AGBL1: variants seen among roughly 807,000 people sequenced by gnomAD.
AGBL1 encodes cytosolic carboxypeptidase 4.
In AGBL1, 130 loss-of-function variants were observed where a neutral mutation model predicts 118.9. That is an observed-to-expected ratio of 1.09 (90% CI 0.95 to 1.26). The LOEUF is 1.26. Ranked by LOEUF, AGBL1 falls within the 50% of genes most tolerant of loss-of-function variation. The pLI, the probability that AGBL1 is intolerant of heterozygous loss-of-function variation, is 0.00. For synonymous variants in AGBL1, 555 were observed against 478.9 expected (o/e 1.16, Z -2.08); for missense variants, 1,584 against 1,298.1 (o/e 1.22, Z -3.38).
At chr15:86,749,031 T>C (rs1432894236) in intron 22 of AGBL1, among the ~76,000 whole-genome samples, 1 of 152,174 alleles carries the variant, frequency 6.6e-6, no homozygotes, top group Non-Finnish European at 1.5e-5. Context: ...AAGTAGTTTT[T>C]TCCAATTCTG....
chr15:86,702,520 ACTC>A (rs1271619401), intron 22 of AGBL1, among the ~76,000 whole-genome samples: 1 of 151,652 alleles, frequency 6.6e-6, no homozygotes, highest in Non-Finnish European at 1.5e-5. Context: ...ATTATACTTG[ACTC>A]CTCCTTTCCC....
intron 17 of AGBL1, among the ~76,000 whole-genome samples, chr15:86,381,764 G>A (rs2081116018): frequency 6.6e-6 from 1 of 152,156 alleles, no homozygotes; most frequent in African/African-American, 2.4e-5. Flanking sequence ...AGAAGGAGGG[G>A]CCTGTGCAAA....
chr15:86,723,399 G>A (rs566793135), intron 22 of AGBL1, among the ~76,000 whole-genome samples: 37 of 152,176 alleles, frequency 2.4e-4, no homozygotes, highest in Admixed American at 5.2e-4. Flanking sequence ...GCAAACTGTC[G>A]CAAGGACAAA....
intron 16 of AGBL1, among the ~76,000 whole-genome samples, chr15:86,284,092 C>G (rs1295065798): frequency 6.6e-6 from 1 of 151,094 alleles, no homozygotes; most frequent in Non-Finnish European, 1.5e-5. Flanking sequence ...TAGATGGTAA[C>G]CATTAAAGCA....
intron 22 of AGBL1, among the ~76,000 whole-genome samples, chr15:86,897,764 C>CT (rs71460231): frequency 0.33 from 26,836 of 80,666 alleles, 6,135 homozygotes; most frequent in Non-Finnish European, 0.44. Flanking sequence ...CATCTTTTAT[C>CT]TTTTTTTTTT....
intron 5 of AGBL1, among the ~76,000 whole-genome samples, chr15:86,169,575 G>T (rs1484135053): frequency 6.6e-6 from 1 of 152,086 alleles, no homozygotes; most frequent in Non-Finnish European, 1.5e-5. Context: ...TGCAATAGTC[G>T]CATATAACTT....
intron 22 of AGBL1, among the ~76,000 whole-genome samples, chr15:86,883,234 G>A (rs1029895739): frequency 1.3e-5 from 2 of 152,120 alleles, no homozygotes; most frequent in Non-Finnish European, 2.9e-5. Flanking sequence ...GTGTGCTTCA[G>A]CATCTTCTTT....
intron 1 of AGBL1, among the ~76,000 whole-genome samples, chr15:86,113,647 C>T (rs1178552910): frequency 2.0e-5 from 3 of 152,096 alleles, no homozygotes; most frequent in Non-Finnish European, 4.4e-5. Flanking sequence ...ATTACCATTC[C>T]CCATCCTAGG....
rs186849739 is a variant in AGBL1, at chr15:86,721,189, A to G, written c.3158+46753A>G. 2.2e-3 allele frequency among the ~76,000 whole-genome samples: 333 copies of G among 152,234 alleles called. 1 individual carries two copies. Among genetic ancestry groups the G allele is most frequent in the African/African-American group, 7.5e-3 (311 of 41,520 alleles). ...CCTGATACCAAAGCCTGGCAGAGAC[A>G]CAACAAAAAAAAAGAATTTTAGACC... On this transcript the variant is annotated intron_variant, in intron 22 of 22. Transcript: ENST00000614907.
At chr15:86,213,036 A>T (rs1246804814) in intron 5 of AGBL1, among the ~76,000 whole-genome samples, 3 of 152,204 alleles carry the variant, frequency 2.0e-5, no homozygotes, top group Non-Finnish European at 4.4e-5. Flanking sequence ...GGGAATCATA[A>T]ATCCTGTCAA....
chr15:86,238,038 G>C (rs771203787), intron 6 of AGBL1, among the ~76,000 whole-genome samples: 3 of 152,118 alleles, frequency 2.0e-5, no homozygotes, highest in Non-Finnish European at 4.4e-5. Flanking sequence ...GTTCCTTCTT[G>C]TCGCTCATGC....
At chr15:86,519,860 A>AT (rs2083164799) in intron 18 of AGBL1, among the ~76,000 whole-genome samples, 1 of 152,104 alleles carries the variant, frequency 6.6e-6, no homozygotes, top group Non-Finnish European at 1.5e-5. Flanking sequence ...TTCTCTCCAA[A>AT]TCTCTATGTT....
At chr15:86,534,242 C>T (rs895821827) in intron 19 of AGBL1, among the ~76,000 whole-genome samples, 2 of 150,992 alleles carry the variant, frequency 1.3e-5, no homozygotes, top group Admixed American at 6.6e-5. Context: ...AACAAAGGCC[C>T]ATGTGAGCTT....
intron 21 of AGBL1, among the ~76,000 whole-genome samples, chr15:86,618,612 G>A (rs1308249401): frequency 6.6e-6 from 1 of 152,174 alleles, no homozygotes; most frequent in Non-Finnish European, 1.5e-5. Context: ...GAATATTTAT[G>A]TCACATGTAT....
intron 22 of AGBL1, among the ~76,000 whole-genome samples, chr15:86,845,404 ACTGAG>A (rs2079304506): frequency 6.6e-6 from 1 of 152,124 alleles, no homozygotes; most frequent in Non-Finnish European, 1.5e-5. Context: ...TACCGTATGA[ACTGAG>A]TTGTGAATTT....
At chr15:86,326,968 C>T (rs1597733329) in intron 17 of AGBL1, among the ~76,000 whole-genome samples, 1 of 148,416 alleles carries the variant, frequency 6.7e-6, no homozygotes, top group South Asian at 2.1e-4. Flanking sequence ...ATTATGAGGT[C>T]ATCTGCTGAT....
At chr15:86,923,852 T>C (rs771890180) in intron 23 of AGBL1, among the ~76,000 whole-genome samples, 28 of 152,204 alleles carry the variant, frequency 1.8e-4, no homozygotes, top group Admixed American at 1.0e-3. Context: ...CCCTATGTCA[T>C]ACAGCTAATA....
At chr15:86,535,816 C>A (rs948243360) in intron 19 of AGBL1, among the ~76,000 whole-genome samples, 1 of 152,232 alleles carries the variant, frequency 6.6e-6, no homozygotes, top group Non-Finnish European at 1.5e-5. Context: ...CTTTCTATAA[C>A]CCTTGTCGCC....
At chr15:86,247,571 A>G in intron 6 of AGBL1, 100 bp from the exon 7 acceptor site, 1 of 1,210,816 alleles carries the variant, frequency 8.3e-7, no homozygotes, top group Non-Finnish European at 1.2e-6. Flanking sequence ...TATTCCCTTG[A>G]TGATTAATAA....
Sources: gnomAD v4.1 joint callset for allele counts (sites outside exome capture counted in the v4.1 genomes callset) on GRCh38, gnomAD v4.1.1 for gene constraint, MANE v1.5 for transcripts, NCBI Gene and HGNC (gene_info 2026-07-23, HGNC 2026-07-21) for gene names.